EML5: variants seen among roughly 807,000 people sequenced by gnomAD.
The protein encoded by EML5 is echinoderm microtubule-associated protein-like 5.
Under a neutral mutation model 250.0 loss-of-function variants are expected in EML5, and 120 were observed. The ratio of observed to expected loss-of-function variants is 0.48; its 90% CI spans 0.41 to 0.56. The LOEUF is 0.56. Ranked by LOEUF, EML5 falls within the 20% of genes least tolerant of loss-of-function variation. The probability of loss-of-function intolerance (pLI) is 0.00; values close to 1 mark genes in which losing one functional copy is unlikely to be tolerated. For missense variants in EML5, 2,006 were observed against 2,437.6 expected, an observed-to-expected ratio of 0.82 and a Z score of 3.73; for synonymous variants, 771 against 806.5, an observed-to-expected ratio of 0.96 and a Z score of 0.75.
intron 20 of EML5, among the ~76,000 whole-genome samples, chr14:88,683,796 ACTC>A (rs2092766724): frequency 6.6e-6 from 1 of 152,162 alleles, no homozygotes. Flanking sequence ...AAGGGTAGTA[ACTC>A]CTCAACTTAA....
intron 19 of EML5, 36 bp from the exon 20 acceptor site, chr14:88,685,178 C>A: frequency 1.9e-6 from 3 of 1,561,110 alleles, no homozygotes; most frequent in South Asian, 1.2e-5. Flanking sequence ...TTTAGACATA[C>A]AGTTACTATA....
At chr14:88,692,339 T>G (rs949645326) in intron 17 of EML5, among the ~76,000 whole-genome samples, 4 of 152,118 alleles carry the variant, frequency 2.6e-5, no homozygotes, top group African/African-American at 9.7e-5. Context: ...ATCACAACAT[T>G]GCACTCCAGC....
At chr14:88,763,202 ATCAATGAATCAGGACCTGTT>A in intron 1 of EML5, among the ~76,000 whole-genome samples, 1 of 152,334 alleles carries the variant, frequency 6.6e-6, no homozygotes, top group South Asian at 2.1e-4. Flanking sequence ...CTTTCAAAAA[ATCAATGAATCAGGACCTGTT>A]TTTTTGAAAA....
At chr14:88,659,516 T>C (rs2092000058) in intron 25 of EML5, among the ~76,000 whole-genome samples, 3 of 152,212 alleles carry the variant, frequency 2.0e-5, no homozygotes, top group Admixed American at 2.0e-4. Context: ...CCAGCAGGAA[T>C]GATGACTCTT....
At chr14:88,705,815 G>C in intron 11 of EML5, 1 of 644,528 alleles carries the variant, frequency 1.6e-6, no homozygotes, top group Non-Finnish European at 2.9e-6. Flanking sequence ...CCCTTCACTG[G>C]CTCCCCAATG....
intron 7 of EML5, among the ~76,000 whole-genome samples, chr14:88,731,323 G>GA (rs1296405032): frequency 2.5e-5 from 2 of 81,064 alleles, no homozygotes; most frequent in Admixed American, 2.6e-4. Context: ...TGCAGTGTTT[G>GA]GTTTTTGTCC....
At chr14:88,754,992 A>T (rs2140385870) in intron 1 of EML5, among the ~76,000 whole-genome samples, 1 of 151,872 alleles carries the variant, frequency 6.6e-6, no homozygotes, top group South Asian at 2.1e-4. Context: ...TTTAGTAGAG[A>T]TGGGGTTTCG....
chr14:88,712,547 G>A, intron 9 of EML5, 64 bp from the exon 10 acceptor site: 1 of 1,361,992 alleles, frequency 7.3e-7, no homozygotes, highest in East Asian at 2.5e-5. Flanking sequence ...AGCCTAAACT[G>A]TACTGAGAAC....
chr14:88,616,788 G>A lies in EML5; in HGVS notation c.5734C>T (p.Leu1912Phe), dbSNP rs1179638039. The A allele has an allele frequency of 1.2e-6, 2 of 1,613,788 alleles. No individual in the cohort carries two copies. The highest frequency in any genetic ancestry group is 2.7e-5 in the African/African-American group (2 of 74,902). Residue 1912 changes from leucine (L) to phenylalanine (F), a missense_variant, in exon 42 of 44, where the codon CTT becomes TTT. Leu to Phe is a conservative substitution (Grantham distance 22, BLOSUM62 0). Around this residue, in one of 7 missense-constraint regions of EML5, gnomAD observed 405 missense variants for 523.3 expected, o/e 0.77. Transcript: ENST00000554922. ...ATGCCAAAGTCATCTCCTGTAACAA[G>A]ACTGATTCCTGAATGAGATACACAG... ...CACVSHSGIS[L>F]VTGDDFGMVK...
At position 88,661,837 on chromosome 14, in the gene EML5, A is replaced by T; in HGVS notation, c.3499-7T>A. 1 of 1,604,096 alleles carries T rather than the reference A, an allele frequency of 6.2e-7. No individual in the cohort carries two copies. The highest frequency in any genetic ancestry group is 8.5e-7 in the Non-Finnish European group (1 of 1,174,560). On this transcript the variant is annotated splice_region_variant and splice_polypyrimidine_tract_variant and intron_variant, in intron 24 of 43. Transcript: ENST00000554922. Reference sequence around the variant, plus strand: ...CCCAAGCAATTTTTTCTACCTAAAAATGAAAAACAATGCTGTAAGTTTGGA... The same window carrying T: ...CCCAAGCAATTTTTTCTACCTAAAATTGAAAAACAATGCTGTAAGTTTGGA...
Position 88,620,800 on chromosome 14 carries a change from T to A in EML5, c.5329A>T (p.Ile1777Leu), listed in dbSNP as rs763902983. Residue 1777 changes from isoleucine to leucine, a missense_variant, in exon 39 of 44, where the codon ATA becomes TTA. Around this residue, in one of 7 missense-constraint regions of EML5, gnomAD observed 405 missense variants for 523.3 expected, o/e 0.77. Coordinates refer to ENST00000554922, the MANE Select transcript of EML5 (RefSeq NM_183387.3). The surrounding 1 kb of genome is among the most constrained non-coding windows in gnomAD (Gnocchi z 4.3). ...FIILLVSSLK[I>L]WGKKRDRRCA... ...CTCCTGTCTCTCTTCTTTCCCCATA[T>A]TTTTAGAGAACTCACTAGTAAAATG... 6.2e-7 allele frequency: 1 copy of A among 1,608,568 alleles called. No individual in the cohort carries two copies. The highest frequency in any genetic ancestry group is 1.3e-5 in the African/African-American group (1 of 74,728).
Position 88,758,019 on chromosome 14 carries a change from A to ATT in EML5, c.198-3350_198-3349dup, listed in dbSNP as rs59074536. On this transcript the variant is annotated intron_variant, in intron 1 of 43. Transcript: ENST00000554922. ...AGGTGGGTGCCACCACACCTGTCTA[A>ATT]TTTTTTTTTTTTTTTTTTGTAGAGA... 5.7e-3 allele frequency among the ~76,000 whole-genome samples: 741 copies of ATT among 129,216 alleles called. 14 individuals carry two copies. Among genetic ancestry groups the ATT allele is most frequent in the East Asian group, 0.037 (158 of 4,296 alleles). The allele number at this position is 129,216 out of a possible 152,430, so 84.8% of individuals were successfully genotyped here. A position where few individuals can be genotyped will look rare whatever the true frequency, so the allele number is the denominator to read the frequency against.
chr14:88,726,289 A>C (rs530927644), intron 8 of EML5, among the ~76,000 whole-genome samples: 2 of 152,278 alleles, frequency 1.3e-5, no homozygotes, highest in African/African-American at 4.8e-5. Flanking sequence ...TTTAGCCATT[A>C]ATCTATTAAG....
rs758082858 is a variant in EML5, at chr14:88,616,820, T to C, written c.5702A>G (p.Asn1901Ser). Residue 1901 changes from asparagine to serine, a missense_variant, in exon 42 of 44, where the codon AAC becomes AGC. Asn to Ser is a conservative substitution (Grantham distance 46). Around this residue, in one of 7 missense-constraint regions of EML5, gnomAD observed 405 missense variants for 523.3 expected, o/e 0.77. Transcript: ENST00000554922. ...WSRHAEKADV[N>S]CACVSHSGIS... ...TCCTGAATGAGATACACAGGCACAG[T>C]TGACATCAGCTTTCTCAGCATGTCT... 6 of 1,613,866 alleles carry C rather than the reference T, an allele frequency of 3.7e-6. No homozygotes were observed. The highest frequency in any genetic ancestry group is 1.7e-5 in the Admixed American group (1 of 60,014).
At chr14:88,697,869 G>A (rs533428057) in intron 14 of EML5, among the ~76,000 whole-genome samples, 2 of 152,078 alleles carry the variant, frequency 1.3e-5, no homozygotes, top group East Asian at 1.9e-4. Flanking sequence ...CCAAGTAGCT[G>A]GGATTACAGG....
At position 88,754,498 on chromosome 14, in the gene EML5, A is replaced by G. The variant is rs767628975; in HGVS notation, c.357+14T>C. 1.3e-5 allele frequency: 20 copies of G among 1,564,842 alleles called. No individual in the cohort carries two copies. The South Asian group carries it at 2.1e-4, about 16-fold the overall frequency. ...AACATACAATTTAGAAAAAAATGAAAAACTGTCACATACCTGTCCATCTAA... is the reference window on the plus strand; with the variant it reads ...AACATACAATTTAGAAAAAAATGAAGAACTGTCACATACCTGTCCATCTAA... On this transcript the variant is annotated intron_variant, in intron 2 of 43. Transcript: ENST00000554922.
At chr14:88,703,721 T>C (rs1439632545) in intron 13 of EML5, among the ~76,000 whole-genome samples, 2 of 152,296 alleles carry the variant, frequency 1.3e-5, no homozygotes, top group East Asian at 3.9e-4. Flanking sequence ...CAAGCTGAAA[T>C]GTGAGACCCG....
chr14:88,779,878 C>T (rs756472987), intron 1 of EML5, among the ~76,000 whole-genome samples: 1 of 152,056 alleles, frequency 6.6e-6, no homozygotes, highest in Non-Finnish European at 1.5e-5. Flanking sequence ...CAATTCAAAT[C>T]CAGAACTACA....
chr14:88,758,504 AT>A (rs1397982290), intron 1 of EML5, among the ~76,000 whole-genome samples: 1 of 152,122 alleles, frequency 6.6e-6, no homozygotes, highest in Non-Finnish European at 1.5e-5. Context: ...CCACTTCTAT[AT>A]TTTAAAAGAC....
Sources: gnomAD v4.1 joint callset for allele counts (sites outside exome capture counted in the v4.1 genomes callset) on GRCh38, gnomAD v4.1.1 for gene constraint, gnomAD v4.1.1 regional missense constraint, Gnocchi (gnomAD v3.1) non-coding constraint, MANE v1.5 for transcripts, NCBI Gene and HGNC (gene_info 2026-07-23, HGNC 2026-07-21) for gene names.